CTIF: variants seen among roughly 807,000 people sequenced by gnomAD.
CTIF encodes the protein CBP80/20-dependent translation initiation factor.
Under a neutral mutation model 66.0 loss-of-function variants are expected in CTIF, and 21 were observed. That is an observed-to-expected ratio of 0.32 (90% confidence interval 0.23 to 0.46). The LOEUF is 0.46. Among genes scored for constraint, CTIF ranks in the 20% least tolerant of loss-of-function variants. The pLI is 1.00. For synonymous variants in CTIF, 345 were observed against 326.4 expected (o/e 1.06, Z -0.62); for missense variants, 739 against 812.7 (o/e 0.91, Z 1.10).
rs150806450 is a variant in CTIF, at chr18:48,700,786, G to A, written c.508-10833G>A. 5.5e-3 allele frequency among the ~76,000 whole-genome samples: 845 copies of A among 152,302 alleles called. 27 individuals carry two copies. The East Asian group carries it at 0.1, about 18-fold the overall frequency. ...TCCATTGTGACTCCACTCAATTTGC[G>A]TGTCCCTCTTCCCCAGGGCCCATGC... is the stretch of plus-strand genomic sequence containing the variant. On this transcript the variant is annotated intron_variant, in intron 6 of 11. Coordinates refer to ENST00000256413, the MANE Select transcript of CTIF (RefSeq NM_014772.3).
chr18:48,728,994 C>T (rs16949891), intron 7 of CTIF, among the ~76,000 whole-genome samples: 1,800 of 152,188 alleles, frequency 0.012, 32 homozygotes, highest in African/African-American at 0.04. Context: ...TGAAACTCAC[C>T]GGTAGCTTTG....
At chr18:48,744,435 T>G (rs1196692274) in intron 7 of CTIF, among the ~76,000 whole-genome samples, 1 of 152,194 alleles carries the variant, frequency 6.6e-6, no homozygotes, top group Non-Finnish European at 1.5e-5. Flanking sequence ...TTTAAAAACT[T>G]TTGATTCTGA....
intron 7 of CTIF, among the ~76,000 whole-genome samples, chr18:48,735,329 C>A (rs887929356): frequency 6.6e-6 from 1 of 152,114 alleles, no homozygotes; most frequent in African/African-American, 2.4e-5. Context: ...AGGAAAGAGG[C>A]CAAGCCAGGG....
intron 2 of CTIF, among the ~76,000 whole-genome samples, chr18:48,624,400 G>A (rs1023466290): frequency 3.9e-5 from 6 of 152,142 alleles, no homozygotes; most frequent in Admixed American, 1.3e-4. Flanking sequence ...TTCCTGCTCC[G>A]TACAGGCCAT....
At chr18:48,652,539 G>A (rs2091175760) in intron 3 of CTIF, among the ~76,000 whole-genome samples, 1 of 152,284 alleles carries the variant, frequency 6.6e-6, no homozygotes, top group African/African-American at 2.4e-5. Context: ...ATTCACAGCT[G>A]AATTCTACCA....
intron 9 of CTIF, among the ~76,000 whole-genome samples, chr18:48,779,673 T>C (rs899063000): frequency 5.9e-5 from 9 of 152,238 alleles, no homozygotes; most frequent in African/African-American, 9.6e-5. Context: ...GGCTTGGGTC[T>C]GCTGCCTCCT....
chr18:48,783,776 G>C (rs994525591), intron 9 of CTIF, among the ~76,000 whole-genome samples: 1 of 152,080 alleles, frequency 6.6e-6, no homozygotes, highest in African/African-American at 2.4e-5. Context: ...CCATCCCGTA[G>C]GCCGGGGGAA....
At chr18:48,611,157 C>G (rs1237785573) in intron 1 of CTIF, among the ~76,000 whole-genome samples, 1 of 152,234 alleles carries the variant, frequency 6.6e-6, no homozygotes, top group African/African-American at 2.4e-5. Context: ...AGTGTCCTCA[C>G]CTGCGTGGCA....
At chr18:48,799,898 C>T (rs554596851) in intron 9 of CTIF, among the ~76,000 whole-genome samples, 67 of 152,360 alleles carry the variant, frequency 4.4e-4, no homozygotes, top group South Asian at 1.2e-3. Flanking sequence ...AATCACTGAA[C>T]GCATAAGCTT....
intron 11 of CTIF, among the ~76,000 whole-genome samples, 185 bp from the exon 12 acceptor site, chr18:48,859,159 A>C (rs2069399193): frequency 6.6e-6 from 1 of 152,052 alleles, no homozygotes; most frequent in Non-Finnish European, 1.5e-5. Context: ...GGTAAATGTG[A>C]GCTCTCACTC....
At chr18:48,831,729 G>A (rs2146453842) in intron 10 of CTIF, among the ~76,000 whole-genome samples, 1 of 152,338 alleles carries the variant, frequency 6.6e-6, no homozygotes, top group South Asian at 2.1e-4. Flanking sequence ...GGGAACAGGT[G>A]AAATTAATTT....
rs1008651086 is a variant in CTIF at position 48,599,238 on chromosome 18, T to C, written c.-28-20300T>C. 3.3e-5 allele frequency among the ~76,000 whole-genome samples: 5 copies of C among 152,180 alleles called. No individual in the cohort carries two copies. The East Asian group carries it at 7.7e-4, about 24-fold the overall frequency. On this transcript the variant is annotated intron_variant, in intron 1 of 11. Coordinates refer to ENST00000256413, the MANE Select transcript of CTIF (RefSeq NM_014772.3). ...AGGCATGCCCTCCGTATGTCCAGCA[T>C]GTGACCGGATCTGAAAGGACACAGA...
At chr18:48,601,662 T>C (rs564743198) in intron 1 of CTIF, among the ~76,000 whole-genome samples, 9 of 152,352 alleles carry the variant, frequency 5.9e-5, no homozygotes, top group African/African-American at 1.9e-4. Context: ...TGAGATGGCA[T>C]TGAGACAAGG....
rs556343119 is a variant in CTIF, at chr18:48,818,896, T to C, written c.1527+1520T>C. On this transcript the variant is annotated intron_variant, in intron 10 of 11. Coordinates refer to ENST00000256413, the MANE Select transcript of CTIF (RefSeq NM_014772.3). ...GAGGACAGGAGTGTGGACACGTCTT[T>C]CGAGAAGTTTTTCTGTGAATGGCAG... Among the ~76,000 whole-genome samples the C allele has an allele frequency of 5.3e-5, 8 of 152,198 alleles. No homozygotes were observed. The East Asian group carries it at 1.5e-3, about 29-fold the overall frequency.
chr18:48,799,811 C>T (rs530280380), intron 9 of CTIF, among the ~76,000 whole-genome samples: 171 of 152,320 alleles, frequency 1.1e-3, no homozygotes, highest in African/African-American at 3.5e-3. Context: ...GGGGCCTAGA[C>T]GCAGCAGGTA....
At chr18:48,593,678 G>T (rs142267152) in intron 1 of CTIF, among the ~76,000 whole-genome samples, 1 of 151,584 alleles carries the variant, frequency 6.6e-6, no homozygotes, top group Non-Finnish European at 1.5e-5. Flanking sequence ...CACCACACCC[G>T]GCCAATTCGA....
chr18:48,737,473 T>C (rs189962137), intron 7 of CTIF, among the ~76,000 whole-genome samples: 64 of 152,284 alleles, frequency 4.2e-4, no homozygotes, highest in Middle Eastern at 3.4e-3. Flanking sequence ...TTACCCAGAG[T>C]GGTAGGCCTT....
At chr18:48,757,400 A>C (rs1318631936) in intron 7 of CTIF, among the ~76,000 whole-genome samples, 1 of 152,234 alleles carries the variant, frequency 6.6e-6, no homozygotes, top group African/African-American at 2.4e-5. Context: ...TCCAAAAAAA[A>C]AAAAGTTGTT....
chr18:48,679,600 C>G (rs8091522), intron 6 of CTIF, among the ~76,000 whole-genome samples: 3,035 of 152,296 alleles, frequency 0.02, 94 homozygotes, highest in African/African-American at 0.069. Flanking sequence ...TTGGGGGAGT[C>G]TTCTGCTCAC....
Sources: gnomAD v4.1 joint callset for allele counts (sites outside exome capture counted in the v4.1 genomes callset) on GRCh38, gnomAD v4.1.1 for gene constraint, MANE v1.5 for transcripts, NCBI Gene and HGNC (gene_info 2026-07-23, HGNC 2026-07-21) for gene names.